MTUS2: variants seen among roughly 807,000 people sequenced by gnomAD.
The protein encoded by MTUS2 is microtubule-associated tumor suppressor candidate 2.
In MTUS2, 40 loss-of-function variants were observed where a neutral mutation model predicts 114.1. That is an observed-to-expected ratio of 0.35 (90% CI 0.27 to 0.46). The LOEUF (loss-of-function observed/expected upper bound fraction) is 0.46, where lower values mean the gene tolerates loss of function less well. MTUS2 is among the 20% of genes least tolerant of loss of function. The pLI is 1.00. For missense variants in MTUS2, 1,679 were observed against 1,705.4 expected (o/e 0.98, Z 0.27); for synonymous variants, 688 against 672.0 (o/e 1.02, Z -0.37).
intron 1 of MTUS2, among the ~76,000 whole-genome samples, chr13:28,826,767 A>G (rs973642787): frequency 3.3e-5 from 5 of 152,252 alleles, no homozygotes; most frequent in African/African-American, 4.8e-5. Context: ...CAAAAGTACA[A>G]TAGAGAAAGC....
chr13:29,011,385 C>G (rs188706506), intron 2 of MTUS2, among the ~76,000 whole-genome samples: 5 of 152,180 alleles, frequency 3.3e-5, no homozygotes, highest in Admixed American at 2.0e-4. Flanking sequence ...AGATTGGGTG[C>G]TATTCAAACG....
chr13:29,349,507 C>A (rs2138171612), intron 7 of MTUS2, among the ~76,000 whole-genome samples: 1 of 113,072 alleles, frequency 8.8e-6, no homozygotes, highest in African/African-American at 3.4e-5. Flanking sequence ...TGTAGATCTG[C>A]ACTTCTATCT....
intron 10 of MTUS2, among the ~76,000 whole-genome samples, chr13:29,486,943 A>G (rs1284007537): frequency 1.3e-5 from 2 of 152,254 alleles, no homozygotes; most frequent in South Asian, 2.1e-4. Context: ...AGTTAAAACA[A>G]CAGCCACAAT....
chr13:28,944,175 T>C (rs1882393085), intron 2 of MTUS2, among the ~76,000 whole-genome samples: 2 of 152,042 alleles, frequency 1.3e-5, no homozygotes, highest in African/African-American at 4.8e-5. Context: ...ATAATCAGGG[T>C]AATTGGTATA....
intron 8 of MTUS2, among the ~76,000 whole-genome samples, chr13:29,389,132 G>GTTTTC (rs150605638): frequency 0.039 from 5,838 of 151,392 alleles, 396 homozygotes; most frequent in African/African-American, 0.13. Flanking sequence ...TTTAATCACA[G>GTTTTC]TTTTCCTGAC....
At chr13:28,947,344 C>A (rs1882584857) in intron 2 of MTUS2, among the ~76,000 whole-genome samples, 1 of 152,068 alleles carries the variant, frequency 6.6e-6, no homozygotes, top group Non-Finnish European at 1.5e-5. Context: ...GGGGCTGGAC[C>A]ATTGCTTTGG....
intron 7 of MTUS2, among the ~76,000 whole-genome samples, chr13:29,331,052 T>G (rs183492741): frequency 9.0e-4 from 137 of 152,330 alleles, no homozygotes; most frequent in Admixed American, 1.7e-3. Context: ...ATGATACTGA[T>G]TCTTTCTGTC....
chr13:29,049,286 G>A (rs1052984717), intron 4 of MTUS2, among the ~76,000 whole-genome samples: 20 of 152,206 alleles, frequency 1.3e-4, no homozygotes, highest in African/African-American at 4.6e-4. Context: ...CCCATCATAA[G>A]GCATTGGGGA....
intron 5 of MTUS2, among the ~76,000 whole-genome samples, chr13:29,110,305 T>C (rs1890833663): frequency 6.6e-6 from 1 of 152,220 alleles, no homozygotes; most frequent in South Asian, 2.1e-4. Context: ...GATTTCACAG[T>C]ACTTAAAGGG....
At chr13:29,335,806 C>T (rs769143989) in intron 7 of MTUS2, among the ~76,000 whole-genome samples, 1 of 152,214 alleles carries the variant, frequency 6.6e-6, no homozygotes, top group Non-Finnish European at 1.5e-5. Context: ...TCCTTTCTCA[C>T]CATCACTTTC....
intron 2 of MTUS2, among the ~76,000 whole-genome samples, chr13:29,010,993 G>C (rs891521719): frequency 2.0e-5 from 3 of 152,132 alleles, no homozygotes; most frequent in Non-Finnish European, 4.4e-5. Flanking sequence ...GGACGCGTTA[G>C]CATCATTGCT....
chr13:29,164,565 T>C (rs1212187262), intron 5 of MTUS2, among the ~76,000 whole-genome samples: 3 of 152,236 alleles, frequency 2.0e-5, no homozygotes, highest in Admixed American at 1.3e-4. Flanking sequence ...TCATGTGATA[T>C]AATTTGAGGT....
chr13:29,083,023 C>A (rs2138737926), intron 4 of MTUS2, among the ~76,000 whole-genome samples: 1 of 152,136 alleles, frequency 6.6e-6, no homozygotes, highest in East Asian at 1.9e-4. Flanking sequence ...TAAAAATTTA[C>A]AAAGGAAGGA....
At chr13:29,075,845 T>C (rs1256460006) in intron 4 of MTUS2, among the ~76,000 whole-genome samples, 1 of 152,240 alleles carries the variant, frequency 6.6e-6, no homozygotes, top group Non-Finnish European at 1.5e-5. Context: ...TTATTTACCA[T>C]CTGGAGAGGC....
At chr13:29,149,997 G>C (rs1287256263) in intron 5 of MTUS2, among the ~76,000 whole-genome samples, 2 of 151,992 alleles carry the variant, frequency 1.3e-5, no homozygotes. Flanking sequence ...TTGGCTATTT[G>C]GACTCTGTTT....
At chr13:28,939,190 TG>T (rs1416525731) in intron 2 of MTUS2, among the ~76,000 whole-genome samples, 1 of 152,204 alleles carries the variant, frequency 6.6e-6, no homozygotes, top group Non-Finnish European at 1.5e-5. Flanking sequence ...GCCGGAAATT[TG>T]GGTTGCTTCT....
chr13:29,312,032 G>A (rs1169829676), intron 6 of MTUS2, among the ~76,000 whole-genome samples: 2 of 152,146 alleles, frequency 1.3e-5, no homozygotes, highest in Non-Finnish European at 2.9e-5. Flanking sequence ...ACCTTTGCAC[G>A]TGATCACTGC....
intron 7 of MTUS2, among the ~76,000 whole-genome samples, chr13:29,338,657 A>G (rs1191745362): frequency 6.6e-6 from 1 of 152,188 alleles, no homozygotes; most frequent in African/African-American, 2.4e-5. Context: ...ATTTAAGTCT[A>G]TGATCCACTT....
At chr13:29,385,231 C>T (rs1872555338) in intron 8 of MTUS2, among the ~76,000 whole-genome samples, 1 of 152,196 alleles carries the variant, frequency 6.6e-6, no homozygotes, top group South Asian at 2.1e-4. Flanking sequence ...CTTTTATGGT[C>T]CAACCAGAAG....
Sources: gnomAD v4.1 joint callset for allele counts (sites outside exome capture counted in the v4.1 genomes callset) on GRCh38, gnomAD v4.1.1 for gene constraint, MANE v1.5 for transcripts, NCBI Gene and HGNC (gene_info 2026-07-23, HGNC 2026-07-21) for gene names.